The following DAP variants were observed in gnomAD, a reference collection of about 807,000 sequenced individuals.
The protein encoded by DAP is death associated protein, also known as death-associated protein 1.
Under a neutral mutation model 13.8 loss-of-function variants are expected in DAP, and 8 were observed. That is an observed-to-expected ratio of 0.58 (90% CI 0.34 to 1.05). DAP has a LOEUF of 1.05. DAP is among the 50% of genes least tolerant of loss of function. The pLI, the probability that DAP is intolerant of heterozygous loss-of-function variation, is 0.03. For synonymous variants in DAP, 47 were observed against 47.5 expected, an observed-to-expected ratio of 0.99 and a Z score of 0.04; for missense variants, 106 against 133.2, an observed-to-expected ratio of 0.80 and a Z score of 1.01.
intron 2 of DAP, among the ~76,000 whole-genome samples, chr5:10,709,203 G>A (rs1738777622): frequency 6.6e-6 from 1 of 152,194 alleles, no homozygotes; most frequent in Non-Finnish European, 1.5e-5. Flanking sequence ...AACACAAATA[G>A]CTGAAGTTCT....
chr5:10,691,223 C>T (rs553386893), intron 2 of DAP, among the ~76,000 whole-genome samples: 15 of 152,342 alleles, frequency 9.8e-5, no homozygotes, highest in African/African-American at 3.4e-4. Context: ...CAGGCCTCTT[C>T]CAAAATGTCT....
chr5:10,702,515 TG>T (rs1276504964), intron 2 of DAP, among the ~76,000 whole-genome samples: 2 of 152,212 alleles, frequency 1.3e-5, no homozygotes, highest in African/African-American at 4.8e-5. Flanking sequence ...CAGACTGACC[TG>T]GAAGATTGGC....
intron 2 of DAP, among the ~76,000 whole-genome samples, chr5:10,736,997 G>T (rs992550589): frequency 2.0e-5 from 3 of 152,166 alleles, no homozygotes; most frequent in Admixed American, 6.5e-5. Context: ...CCAGCACCTG[G>T]GTCAGCTGCT....
At chr5:10,682,347 G>A (rs1738040086) in intron 3 of DAP, among the ~76,000 whole-genome samples, 1 of 151,696 alleles carries the variant, frequency 6.6e-6, no homozygotes, top group Non-Finnish European at 1.5e-5. Flanking sequence ...GGTTGTATAT[G>A]AGGAAGCTCC....
intron 2 of DAP, among the ~76,000 whole-genome samples, chr5:10,719,130 A>G (rs1739069511): frequency 6.6e-6 from 1 of 152,242 alleles, no homozygotes; most frequent in Admixed American, 6.5e-5. Context: ...TCTAAGGTAA[A>G]GGACAAGTTG....
At chr5:10,717,150 T>C (rs900560464) in intron 2 of DAP, among the ~76,000 whole-genome samples, 1 of 152,154 alleles carries the variant, frequency 6.6e-6, no homozygotes, top group Non-Finnish European at 1.5e-5. Context: ...CCAAGTTCAG[T>C]GGACAAACTG....
chr5:10,759,209 T>C (rs185088171), intron 1 of DAP, among the ~76,000 whole-genome samples: 32 of 152,314 alleles, frequency 2.1e-4, no homozygotes, highest in African/African-American at 3.4e-4. Context: ...AACTTCTTTA[T>C]GGGTGTGTCT....
intron 2 of DAP, among the ~76,000 whole-genome samples, chr5:10,685,074 CA>C (rs1483516404): frequency 6.6e-6 from 1 of 152,180 alleles, no homozygotes; most frequent in Non-Finnish European, 1.5e-5. Context: ...TTGCTGCAGT[CA>C]AAAGTCCCAG....
intron 2 of DAP, among the ~76,000 whole-genome samples, chr5:10,726,963 T>G (rs923832831): frequency 6.6e-6 from 1 of 152,114 alleles, no homozygotes; most frequent in Admixed American, 6.5e-5. Context: ...AACGCTGACC[T>G]TGTACAGGGC....
chr5:10,736,638 G>A (rs1165244365), intron 2 of DAP, among the ~76,000 whole-genome samples: 3 of 152,174 alleles, frequency 2.0e-5, no homozygotes, highest in African/African-American at 4.8e-5. Context: ...GCACATAAAC[G>A]GTGACACTTC....
At chr5:10,706,479 G>A (rs1738701598) in intron 2 of DAP, among the ~76,000 whole-genome samples, 2 of 152,224 alleles carry the variant, frequency 1.3e-5, no homozygotes, top group African/African-American at 4.8e-5. Flanking sequence ...GCTCCTAACT[G>A]CAGCTGATGC....
rs971046059 is a variant in DAP at position 10,707,638 on chromosome 5, G to A, written c.153-24067C>T. Among the ~76,000 whole-genome samples the A allele has an allele frequency of 6.6e-6, 1 of 152,002 alleles. No homozygotes were observed. The highest frequency in any genetic ancestry group is 6.5e-5 in the Admixed American group (1 of 15,268). On this transcript the variant is annotated intron_variant, in intron 2 of 3. Transcript: ENST00000230895. This position sits in a 1 kb window ranked among gnomAD's most constrained non-coding sequence, Gnocchi z 4.0. ...GCACAGGCGGCGTGATGTACAGGTG[G>A]TGTGATGCACGGGTGGTGTGATTTG...
chr5:10,687,223 A>G (rs1738177337), intron 2 of DAP, among the ~76,000 whole-genome samples: 1 of 152,254 alleles, frequency 6.6e-6, no homozygotes, highest in Non-Finnish European at 1.5e-5. Flanking sequence ...CCAAGTATAC[A>G]AGGAGATTAA....
intron 2 of DAP, among the ~76,000 whole-genome samples, chr5:10,716,158 G>C (rs1282500289): frequency 1.3e-5 from 2 of 152,140 alleles, no homozygotes; most frequent in East Asian, 3.9e-4. Flanking sequence ...ACGTGACAGG[G>C]GACACAGACA....
At chr5:10,736,750 C>A (rs529227731) in intron 2 of DAP, among the ~76,000 whole-genome samples, 1 of 152,240 alleles carries the variant, frequency 6.6e-6, no homozygotes, top group Non-Finnish European at 1.5e-5. Context: ...CCTGATTCTC[C>A]TTCCCAGGGC....
rs929861712 is a variant in DAP at position 10,707,072 on chromosome 5, T to C, written c.153-23501A>G. ...CTGGCCTTAAAAAAAGCCATGGGTC[T>C]GTCCCCAAGTCAGTCGGCCAGTTTG... is the stretch of plus-strand genomic sequence containing the variant. On this transcript the variant is annotated intron_variant, in intron 2 of 3. Coordinates refer to ENST00000230895, the MANE Select transcript of DAP (RefSeq NM_004394.3). This position sits in a 1 kb window ranked among gnomAD's most constrained non-coding sequence, Gnocchi z 4.0. Among the ~76,000 whole-genome samples the C allele has an allele frequency of 1.8e-4, 28 of 152,232 alleles. No homozygotes were observed. Among genetic ancestry groups the C allele is most frequent in the Admixed American group, 5.2e-4 (8 of 15,286 alleles).
In DAP at chr5:10,743,979, A is replaced by G. The variant is rs545243310; in HGVS notation, c.152+4196T>C. On this transcript the variant is annotated intron_variant, in intron 2 of 3. Coordinates refer to ENST00000230895, the MANE Select transcript of DAP (RefSeq NM_004394.3). ...AGTCTGTGGAAAGCTACAAGATTAA[A>G]GGGAATAAGAGTTGCATAAACAATT... Among the ~76,000 whole-genome samples, 6 of 152,352 alleles carry G rather than the reference A, an allele frequency of 3.9e-5. No individual in the cohort carries two copies. In the East Asian group the frequency reaches 1.2e-3, roughly 29 times the overall value.
At chr5:10,731,394 C>G (rs982426786) in intron 2 of DAP, among the ~76,000 whole-genome samples, 8 of 152,216 alleles carry the variant, frequency 5.3e-5, no homozygotes, top group African/African-American at 1.9e-4. Context: ...GACCCTGGAC[C>G]TGGATTCTGA....
chr5:10,749,367 C>A (rs955945898), intron 1 of DAP, among the ~76,000 whole-genome samples: 1 of 152,082 alleles, frequency 6.6e-6, no homozygotes, highest in Non-Finnish European at 1.5e-5. Context: ...CTGAATTTAT[C>A]CTTCTGAAAA....
Sources: allele counts gnomAD v4.1 joint callset (sites outside exome capture counted in the v4.1 genomes callset), GRCh38; gene constraint gnomAD v4.1.1; non-coding constraint Gnocchi (gnomAD v3.1); transcripts MANE v1.5; gene names NCBI Gene and HGNC (gene_info 2026-07-23, HGNC 2026-07-21).